MON1B: variants seen among roughly 807,000 people sequenced by gnomAD.
MON1B encodes the protein MON1 vesicular trafficking associated B, also known as vacuolar fusion protein MON1 homolog B.
MON1B carries 26 observed loss-of-function variants against 45.1 expected under a neutral mutation model. The ratio of observed to expected loss-of-function variants is 0.58; its 90% CI spans 0.42 to 0.80. MON1B has a LOEUF of 0.80. MON1B is among the 30% of genes least tolerant of loss of function. The pLI, the probability that MON1B is intolerant of heterozygous loss-of-function variation, is 0.00. For synonymous variants in MON1B, 395 were observed against 320.2 expected, an observed-to-expected ratio of 1.23 and a Z score of -2.49; for missense variants, 737 against 754.5, an observed-to-expected ratio of 0.98 and a Z score of 0.27.
chr16:77,191,554 C>T lies in MON1B; in HGVS notation c.69C>T (p.Phe23=), dbSNP rs2142494849. 1 of 1,609,200 alleles carries T rather than the reference C, an allele frequency of 6.2e-7. No homozygotes were observed. The highest frequency in any genetic ancestry group is 8.5e-7 in the Non-Finnish European group (1 of 1,178,726). Residue 23 remains phenylalanine, a synonymous_variant, in exon 2 of 6, where the codon TTC becomes TTT. Coordinates refer to ENST00000248248, the MANE Select transcript of MON1B (RefSeq NM_014940.4). The part of the protein sequence containing the change: ...GGAEDLEDTQ[F]PSEEAREGGG... ...CGGAGGACTTGGAGGACACGCAGTT[C>T]CCCAGTGAGGAAGCTAGAGAAGGTG...
At chr16:77,197,324 A>G (rs1327909952) in intron 5 of MON1B, among the ~76,000 whole-genome samples, 1 of 152,200 alleles carries the variant, frequency 6.6e-6, no homozygotes, top group Non-Finnish European at 1.5e-5. Context: ...TGAACCTGGC[A>G]GGCGGAGGTT....
Position 77,191,551 on chromosome 16 carries a change from G to C in MON1B, c.66G>C (p.Gln22His). ...GCGCGGAGGACTTGGAGGACACGCAGTTCCCCAGTGAGGAAGCTAGAGAAG... is the reference window on the plus strand; with the variant it reads ...GCGCGGAGGACTTGGAGGACACGCACTTCCCCAGTGAGGAAGCTAGAGAAG... The part of the protein sequence containing the change: ...PGGAEDLEDT[Q>H]FPSEEAREGG... Residue 22 changes from glutamine to histidine, a missense_variant, in exon 2 of 6, where the codon CAG (glutamine) becomes CAC (histidine). Transcript: ENST00000248248. 6.2e-7 allele frequency: 1 copy of C among 1,609,096 alleles called. No individual in the cohort carries two copies.
Position 77,193,934 on chromosome 16 carries a change from G to C in MON1B, c.475+157G>C. ...CTCTGTCAGTGGCGGGAGGTGGGGGGGTTCATCTCTGTCTGGCCTGCTGGT... is the reference window on the plus strand; with the variant it reads ...CTCTGTCAGTGGCGGGAGGTGGGGGCGTTCATCTCTGTCTGGCCTGCTGGT... On this transcript the variant is annotated intron_variant, in intron 3 of 5. Transcript: ENST00000248248. The surrounding 1 kb of genome is among the most constrained non-coding windows in gnomAD (Gnocchi z 5.0). The C allele has an allele frequency of 1.4e-6, 1 of 720,958 alleles. No homozygotes were observed. The highest frequency in any genetic ancestry group is 1.9e-5 in the South Asian group (1 of 52,938). 44.7% of individuals were successfully genotyped at this position (720,958 alleles called of 1,614,324 possible). A position where few individuals can be genotyped will look rare whatever the true frequency, so the allele number is the denominator to read the frequency against.
In MON1B at chr16:77,194,208, C is replaced by T; in HGVS notation, c.476-127C>T. 1 of 869,776 alleles carries T rather than the reference C, an allele frequency of 1.1e-6. No homozygotes were observed. Among genetic ancestry groups the T allele is most frequent in the Non-Finnish European group, 1.9e-6 (1 of 522,214 alleles). 53.9% of individuals were successfully genotyped at this position (869,776 alleles called of 1,614,324 possible). A position where few individuals can be genotyped will look rare whatever the true frequency, so the allele number is the denominator to read the frequency against. On this transcript the variant is annotated intron_variant, in intron 3 of 5. Coordinates refer to ENST00000248248, the MANE Select transcript of MON1B (RefSeq NM_014940.4). The surrounding 1 kb of genome is among the most constrained non-coding windows in gnomAD (Gnocchi z 8.1). The stretch of plus-strand genomic sequence containing the variant: ...TTGTCCTTACCCCAGTCCAGGTGCC[C>T]ACAGAGTGAGCATGTGGACTCGGGC...
rs1408584996 is a variant in MON1B at position 77,191,194 on chromosome 16, G to A, written c.-75G>A. 7.9e-5 allele frequency: 122 copies of A among 1,535,822 alleles called. No homozygotes were observed. Among genetic ancestry groups the A allele is most frequent in the Non-Finnish European group, 7.5e-5 (86 of 1,146,762 alleles). On this transcript the variant is annotated 5_prime_UTR_variant, in exon 1 of 6. It adds an upstream start codon to the 5' untranslated region. Transcript: ENST00000248248. ...CACCTCCCGGGCCGCACCCGGAAGTGTGATGCCACCGCCGCTACGGGGAAG... is the reference window on the plus strand; with the variant it reads ...CACCTCCCGGGCCGCACCCGGAAGTATGATGCCACCGCCGCTACGGGGAAG...
intron 4 of MON1B, 33 bp downstream of exon 4, chr16:77,195,187 G>T: frequency 2.7e-6 from 4 of 1,490,336 alleles, no homozygotes; most frequent in East Asian, 2.4e-5. Context: ...CTGGCTGGGT[G>T]GGAAGGCCTG....
Position 77,200,291 on chromosome 16 carries a change from T to TATACACAC in MON1B, c.*1984_*1985insTACACACA. ...ATATATGTGTATATATATATATATA[T>TATACACAC]ACACACACTAATCAGCCGGGCGCGG... On this transcript the variant is annotated 3_prime_UTR_variant, in exon 6 of 6. Transcript: ENST00000248248. 6.3e-5 allele frequency: 7 copies of TATACACAC among 111,428 alleles called. No homozygotes were observed. The highest frequency in any genetic ancestry group is 2.4e-4 in the African/African-American group (7 of 29,726). The allele number at this position is 111,428 out of a possible 1,614,324, so 6.9% of individuals were successfully genotyped here.
intron 5 of MON1B, among the ~76,000 whole-genome samples, chr16:77,196,943 C>A (rs908952235): frequency 6.6e-6 from 1 of 152,102 alleles, no homozygotes; most frequent in African/African-American, 2.4e-5. Flanking sequence ...CCTGATTTAG[C>A]CAGGCTGATC....
At position 77,194,549 on chromosome 16, in the gene MON1B, C is replaced by T; in HGVS notation, c.690C>T (p.Asp230=). The change falls in exon 4 of 6, where the codon GAC becomes GAT. Residue 230 remains aspartate, a synonymous_variant. Coordinates refer to ENST00000248248, the MANE Select transcript of MON1B (RefSeq NM_014940.4). The surrounding 1 kb of genome is among the most constrained non-coding windows in gnomAD (Gnocchi z 8.1). ...TGGCTGGTTCAGAGCGCACACTGGA[C>T]CGACTTCTGGACAGTATGGAGCAGG... ...RLLAGSERTL[D]RLLDSMEQDP... is the part of the protein sequence containing the mutation. The T allele has an allele frequency of 1.2e-6, 2 of 1,614,044 alleles. No homozygotes were observed. The highest frequency in any genetic ancestry group is 1.1e-5 in the South Asian group (1 of 91,090).
At position 77,193,916 on chromosome 16, in the gene MON1B, A is replaced by G; in HGVS notation, c.475+139A>G. The G allele has an allele frequency of 1.2e-6, 1 of 863,542 alleles. No individual in the cohort carries two copies. The allele number at this position is 863,542 out of a possible 1,614,324, so 53.5% of individuals were successfully genotyped here. A position where few individuals can be genotyped will look rare whatever the true frequency, so the allele number is the denominator to read the frequency against. ...GTGGATGGTCAGCCAGAGCTCTGTC[A>G]GTGGCGGGAGGTGGGGGGGTTCATC... On this transcript the variant is annotated intron_variant, in intron 3 of 5. Coordinates refer to ENST00000248248, the MANE Select transcript of MON1B (RefSeq NM_014940.4). This position sits in a 1 kb window ranked among gnomAD's most constrained non-coding sequence, Gnocchi z 5.0.
chr16:77,195,444 C>A, intron 4 of MON1B, 91 bp from the exon 5 acceptor site: 1 of 1,427,794 alleles, frequency 7.0e-7, no homozygotes, highest in Non-Finnish European at 9.3e-7. Flanking sequence ...AGCTCCCTAA[C>A]TTCATTGAAA....
intron 5 of MON1B, among the ~76,000 whole-genome samples, chr16:77,196,367 A>T (rs1266308631): frequency 1.3e-5 from 2 of 152,174 alleles, no homozygotes; most frequent in African/African-American, 4.8e-5. Flanking sequence ...AAGAGTTTTT[A>T]TATTTATATT....
rs188171394 is a variant in MON1B, at chr16:77,201,105, G to C, written c.*2797G>C. 2.0e-5 allele frequency: 3 copies of C among 152,064 alleles called. No homozygotes were observed. The highest frequency in any genetic ancestry group is 7.2e-5 in the African/African-American group (3 of 41,408). The allele number at this position is 152,064 out of a possible 1,614,324, so 9.4% of individuals were successfully genotyped here. On this transcript the variant is annotated 3_prime_UTR_variant, in exon 6 of 6. Transcript: ENST00000248248. ...TGAGAACAGAGACTGTTTACCTCTCGCTCCCCTGCACCTAAAACAATGCCT... is the reference window on the plus strand; with the variant it reads ...TGAGAACAGAGACTGTTTACCTCTCCCTCCCCTGCACCTAAAACAATGCCT...
At chr16:77,191,360 T>A in intron 1 of MON1B, 102 bp downstream of exon 1, 1 of 1,573,262 alleles carries the variant, frequency 6.4e-7, no homozygotes, top group Admixed American at 1.8e-5. Flanking sequence ...TGTCTCGTCC[T>A]ATTGAAATCC....
chr16:77,194,736 G>C lies in MON1B; in HGVS notation c.877G>C (p.Val293Leu), dbSNP rs2054647486. ...TATAACAGCAGCCCAGGAGCGAAAT[G>C]TGCTGGCCGAGTGCCGGCTGGACCC... ...RLITAAQERN[V>L]LAECRLDPAD... Residue 293 changes from valine (V) to leucine (L), a missense_variant, in exon 4 of 6, where the codon GTG (valine) becomes CTG (leucine). By Grantham distance (32) the Val-to-Leu change is conservative. Coordinates refer to ENST00000248248, the MANE Select transcript of MON1B (RefSeq NM_014940.4). This position sits in a 1 kb window ranked among gnomAD's most constrained non-coding sequence, Gnocchi z 8.1. 6.2e-7 allele frequency: 1 copy of C among 1,613,866 alleles called. No homozygotes were observed. The highest frequency in any genetic ancestry group is 8.5e-7 in the Non-Finnish European group (1 of 1,179,850).
rs1461499228 is a variant in MON1B, at chr16:77,198,028, C to T, written c.1444-80C>T. On this transcript the variant is annotated intron_variant, in intron 5 of 5. Coordinates refer to ENST00000248248, the MANE Select transcript of MON1B (RefSeq NM_014940.4). Reference sequence around the variant, plus strand: ...CATGTTCCAGGTTGCAGGAGGCAGACATGCAGCTGCACTGGGGTAGGCAGG... The same window carrying T: ...CATGTTCCAGGTTGCAGGAGGCAGATATGCAGCTGCACTGGGGTAGGCAGG... 11 of 1,399,398 alleles carry T rather than the reference C, an allele frequency of 7.9e-6. No homozygotes were observed. In the East Asian group the frequency reaches 1.8e-4, roughly 23 times the overall value. The allele number at this position is 1,399,398 out of a possible 1,614,324, so 86.7% of individuals were successfully genotyped here. A position where few individuals can be genotyped will look rare whatever the true frequency, so the allele number is the denominator to read the frequency against.
rs1383231894 is a variant in MON1B at position 77,201,945 on chromosome 16, T to G, written c.*3637T>G. 1 of 152,174 alleles carries G rather than the reference T, an allele frequency of 6.6e-6. No individual in the cohort carries two copies. The highest frequency in any genetic ancestry group is 1.5e-5 in the Non-Finnish European group (1 of 68,022). The allele number at this position is 152,174 out of a possible 1,614,324, so 9.4% of individuals were successfully genotyped here. ...GAGGGGGGTATAGCCCTGTGTATGT[T>G]GCACAGAAAAAGTATCTGAATGATA... On this transcript the variant is annotated 3_prime_UTR_variant, in exon 6 of 6. Coordinates refer to ENST00000248248, the MANE Select transcript of MON1B (RefSeq NM_014940.4).
At chr16:77,191,324 G>A in intron 1 of MON1B, 66 bp downstream of exon 1, 1 of 1,546,370 alleles carries the variant, frequency 6.5e-7, no homozygotes, top group Non-Finnish European at 8.8e-7. Flanking sequence ...TGTTGGAGGG[G>A]GGACGTATTT....
At position 77,194,227 on chromosome 16, in the gene MON1B, C is replaced by A; in HGVS notation, c.476-108C>A. 1 of 1,005,514 alleles carries A rather than the reference C, an allele frequency of 9.9e-7. No homozygotes were observed. Among genetic ancestry groups the A allele is most frequent in the Non-Finnish European group, 1.6e-6 (1 of 641,548 alleles). 62.3% of individuals were successfully genotyped at this position (1,005,514 alleles called of 1,614,324 possible). A position where few individuals can be genotyped will look rare whatever the true frequency, so the allele number is the denominator to read the frequency against. ...GGTGCCCACAGAGTGAGCATGTGGA[C>A]TCGGGCCTGGTGTGTGTATGGTAGG... On this transcript the variant is annotated intron_variant, in intron 3 of 5. Transcript: ENST00000248248. This position sits in a 1 kb window ranked among gnomAD's most constrained non-coding sequence, Gnocchi z 8.1.
Sources: allele counts gnomAD v4.1 joint callset (sites outside exome capture counted in the v4.1 genomes callset), GRCh38; gene constraint gnomAD v4.1.1; non-coding constraint Gnocchi (gnomAD v3.1); transcripts MANE v1.5; gene names NCBI Gene and HGNC (gene_info 2026-07-23, HGNC 2026-07-21).